CIMAP2: variants seen among roughly 807,000 people sequenced by gnomAD.
CIMAP2 encodes the protein ciliary microtubule-associated protein 2.
the CIMAP2 span, chr1:54,811,765 G>GCCGGCGGGGGGCCCCCCC: frequency 7.7e-7 from 1 of 1,301,330 alleles, no homozygotes; most frequent in Non-Finnish European, 1.1e-6. Flanking sequence ...GGTTCTGACA[G>GCCGGCGGGGGGCCCCCCC]CCTCCATGCC....
At chr1:54,809,339 A>G in the CIMAP2 span, among the ~76,000 whole-genome samples, 3 of 152,180 alleles carry the variant, frequency 2.0e-5, no homozygotes, top group African/African-American at 7.2e-5. Context: ...TACTCCTGAC[A>G]GGGTCTGGGG....
At chr1:54,817,231 C>A in the CIMAP2 span, 1 of 1,421,498 alleles carries the variant, frequency 7.0e-7, no homozygotes, top group Non-Finnish European at 9.5e-7. Flanking sequence ...ACAGCTTCTG[C>A]CCCTAATGCC....
the CIMAP2 span, among the ~76,000 whole-genome samples, chr1:54,824,476 T>C: frequency 1.3e-5 from 2 of 152,228 alleles, no homozygotes; most frequent in African/African-American, 4.8e-5. Flanking sequence ...TTTCATTAAA[T>C]AGGTTTTCCA....
the CIMAP2 span, among the ~76,000 whole-genome samples, chr1:54,821,821 T>G: frequency 6.6e-6 from 1 of 151,570 alleles, no homozygotes; most frequent in Non-Finnish European, 1.5e-5. Context: ...CTATATAAGA[T>G]CATGTTGTCT....
the CIMAP2 span, among the ~76,000 whole-genome samples, chr1:54,819,365 G>A: frequency 9.9e-3 from 1,510 of 152,272 alleles, 16 homozygotes; most frequent in Admixed American, 0.017. Flanking sequence ...GGCTGGGTGA[G>A]GAGTCAGCAG....
chr1:54,819,399 C>T, the CIMAP2 span, among the ~76,000 whole-genome samples: 1 of 152,194 alleles, frequency 6.6e-6, no homozygotes, highest in Admixed American at 6.5e-5. Flanking sequence ...GATGGGATCT[C>T]ATTCTGTTAC....
At chr1:54,840,865 C>G in the CIMAP2 span, among the ~76,000 whole-genome samples, 1 of 152,156 alleles carries the variant, frequency 6.6e-6, no homozygotes, top group African/African-American at 2.4e-5. Context: ...TTATCAGATA[C>G]GTGTTTTGCA....
At chr1:54,807,495 C>T in the CIMAP2 span, 185 of 1,468,904 alleles carry the variant, frequency 1.3e-4, no homozygotes, top group Non-Finnish European at 1.6e-4. Flanking sequence ...GCGGGCGTGG[C>T]TGTCACAGCT....
chr1:54,823,614 T>C, the CIMAP2 span, among the ~76,000 whole-genome samples: 2 of 152,236 alleles, frequency 1.3e-5, no homozygotes, highest in African/African-American at 2.4e-5. Context: ...TTTGTTGTTT[T>C]CTGATTGTTT....
the CIMAP2 span, chr1:54,811,768 T>TGGGGGGGGGCCCCCCCCCC: frequency 1.9e-6 from 1 of 533,354 alleles, no homozygotes; most frequent in Non-Finnish European, 3.7e-6. Flanking sequence ...TCTGACAGCC[T>TGGGGGGGGGCCCCCCCCCC]CCATGCCCCC....
the CIMAP2 span, among the ~76,000 whole-genome samples, chr1:54,813,181 T>C: frequency 1.3e-5 from 2 of 151,984 alleles, no homozygotes; most frequent in South Asian, 2.1e-4. Flanking sequence ...CACAGCAAAA[T>C]TGAGTGGAAA....
the CIMAP2 span, chr1:54,811,765 G>GCGGGGGGGGGGGCCCCCCCCCC: frequency 3.1e-6 from 4 of 1,301,316 alleles, no homozygotes; most frequent in Non-Finnish European, 4.4e-6. Context: ...GGTTCTGACA[G>GCGGGGGGGGGGGCCCCCCCCCC]CCTCCATGCC....
the CIMAP2 span, among the ~76,000 whole-genome samples, chr1:54,841,031 G>A: frequency 2.0e-5 from 3 of 152,236 alleles, no homozygotes; most frequent in African/African-American, 7.2e-5. Context: ...TGGGCCAGGG[G>A]CCGTGGGCAT....
the CIMAP2 span, among the ~76,000 whole-genome samples, chr1:54,832,941 T>G: frequency 2.6e-5 from 4 of 151,946 alleles, no homozygotes; most frequent in Non-Finnish European, 4.4e-5. Context: ...GTAGGAGGAT[T>G]GCTTGAGCCT....
At chr1:54,839,030 T>G in the CIMAP2 span, among the ~76,000 whole-genome samples, 63 of 152,196 alleles carry the variant, frequency 4.1e-4, no homozygotes, top group Non-Finnish European at 7.5e-4. Flanking sequence ...GGGCCATTTT[T>G]GCTCTTTGTC....
the CIMAP2 span, among the ~76,000 whole-genome samples, chr1:54,821,751 CAACTT>C: frequency 1.3e-5 from 2 of 152,074 alleles, no homozygotes. Context: ...TGTATTCTGA[CAACTT>C]TACTGAATTC....
At chr1:54,813,467 A>C in the CIMAP2 span, among the ~76,000 whole-genome samples, 1 of 152,236 alleles carries the variant, frequency 6.6e-6, no homozygotes, top group Non-Finnish European at 1.5e-5. Flanking sequence ...TCTGGTTTTA[A>C]ATATTTAAGA....
At chr1:54,819,860 CCTTCCT>C in the CIMAP2 span, among the ~76,000 whole-genome samples, 26,118 of 138,366 alleles carry the variant, frequency 0.19, 3,320 homozygotes, top group African/African-American at 0.34. Flanking sequence ...TTCCTTCCTT[CCTTCCT>C]CTCTTTCTTC....
chr1:54,837,845 C>G, the CIMAP2 span, among the ~76,000 whole-genome samples: 113,666 of 152,028 alleles, frequency 0.75, 43,758 homozygotes, highest in Middle Eastern at 0.85. Context: ...GGCCTGGGAG[C>G]CAGGAGAACA....
Sources: allele counts gnomAD v4.1 joint callset (sites outside exome capture counted in the v4.1 genomes callset), GRCh38; gene constraint gnomAD v4.1.1; transcripts MANE v1.5; gene names NCBI Gene and HGNC (gene_info 2026-07-23, HGNC 2026-07-21).